The following DLGAP2 variants were observed in gnomAD, a reference collection of about 807,000 sequenced individuals.
DLGAP2 encodes the protein DLG associated protein 2, also known as disks large-associated protein 2.
DLGAP2 carries 26 observed loss-of-function variants against 100.3 expected under a neutral mutation model. The ratio of observed to expected loss-of-function variants is 0.26; its 90% CI spans 0.19 to 0.36. The LOEUF is 0.36. Among genes scored for constraint, DLGAP2 ranks in the 10% least tolerant of loss-of-function variants. The pLI is 1.00. For synonymous variants in DLGAP2, 886 were observed against 630.1 expected (o/e 1.41, Z -6.08); for missense variants, 1,858 against 1,453.2 (o/e 1.28, Z -4.53).
At chr8:949,336 G>A (rs1403355187) in intron 2 of DLGAP2, among the ~76,000 whole-genome samples, 1 of 152,164 alleles carries the variant, frequency 6.6e-6, no homozygotes, top group Non-Finnish European at 1.5e-5. Context: ...GGATGGGTTC[G>A]TGGCAGACAC....
intron 4 of DLGAP2, among the ~76,000 whole-genome samples, chr8:1,538,141 C>T (rs1801219690): frequency 6.6e-6 from 1 of 152,172 alleles, no homozygotes; most frequent in Non-Finnish European, 1.5e-5. Flanking sequence ...TGCAGCATGG[C>T]CTCAGTCCTC....
intron 6 of DLGAP2, among the ~76,000 whole-genome samples, chr8:1,602,913 C>T (rs1222729717): frequency 6.6e-6 from 1 of 152,190 alleles, no homozygotes; most frequent in Admixed American, 6.5e-5. Context: ...GTGTCGAGTG[C>T]CGCGAGGGAA....
At chr8:1,146,103 C>T (rs1053515700) in intron 2 of DLGAP2, among the ~76,000 whole-genome samples, 2 of 152,158 alleles carry the variant, frequency 1.3e-5, no homozygotes, top group Non-Finnish European at 2.9e-5. Flanking sequence ...ACCCACACAC[C>T]CACTGCCAGG....
At chr8:903,558 G>A (rs1231055124) in intron 1 of DLGAP2, among the ~76,000 whole-genome samples, 9 of 152,084 alleles carry the variant, frequency 5.9e-5, no homozygotes, top group Admixed American at 3.9e-4. Flanking sequence ...ACGTCATCGC[G>A]AGGCAGCTTG....
chr8:1,200,990 G>C (rs1187293488), intron 2 of DLGAP2, among the ~76,000 whole-genome samples: 1 of 152,196 alleles, frequency 6.6e-6, no homozygotes, highest in East Asian at 1.9e-4. Context: ...GAAAGAAGGC[G>C]CGGCTGTCTC....
chr8:905,818 G>T (rs1172266671), intron 1 of DLGAP2, among the ~76,000 whole-genome samples: 5 of 90,528 alleles, frequency 5.5e-5, no homozygotes, highest in Non-Finnish European at 8.5e-5. Context: ...CCGCCCCCAA[G>T]CACGTGTCCT....
At chr8:979,556 G>C (rs1445039954) in intron 2 of DLGAP2, among the ~76,000 whole-genome samples, 1 of 152,202 alleles carries the variant, frequency 6.6e-6, no homozygotes, top group Admixed American at 6.5e-5. Context: ...TTATCACTGT[G>C]TGGGCAGGTT....
chr8:1,592,146 G>A (rs1314662110), intron 6 of DLGAP2, among the ~76,000 whole-genome samples: 2 of 152,136 alleles, frequency 1.3e-5, no homozygotes, highest in African/African-American at 2.4e-5. Context: ...GCACACGCCC[G>A]CCCAGGCTTA....
chr8:866,226 G>C lies in DLGAP2; in HGVS notation c.19-41686G>C, dbSNP rs549882795. Reference sequence around the variant, plus strand: ...GCGCCTGGCCAGGCTTCTTACCCCAGGCCTGTCCAGATCTTCCGGGGCCGT... The same window carrying C: ...GCGCCTGGCCAGGCTTCTTACCCCACGCCTGTCCAGATCTTCCGGGGCCGT... On this transcript the variant is annotated intron_variant, in intron 1 of 14. Transcript: ENST00000637795. 2.0e-5 allele frequency among the ~76,000 whole-genome samples: 3 copies of C among 152,282 alleles called. No individual in the cohort carries two copies. In the South Asian group the frequency reaches 6.2e-4, roughly 32 times the overall value.
At chr8:1,426,195 C>G (rs1017263501) in intron 3 of DLGAP2, among the ~76,000 whole-genome samples, 3 of 152,128 alleles carry the variant, frequency 2.0e-5, no homozygotes, top group Admixed American at 6.5e-5. Flanking sequence ...TTTGTCCACC[C>G]AATACCCACA....
At chr8:1,629,610 A>G (rs1186856573) in intron 7 of DLGAP2, among the ~76,000 whole-genome samples, 1 of 152,264 alleles carries the variant, frequency 6.6e-6, no homozygotes, top group African/African-American at 2.4e-5. Context: ...ATACACAGAG[A>G]TGAGGATACA....
At chr8:1,335,001 G>T (rs1220680605) in intron 3 of DLGAP2, among the ~76,000 whole-genome samples, 3 of 152,162 alleles carry the variant, frequency 2.0e-5, no homozygotes, top group African/African-American at 7.2e-5. Context: ...TAAAAACACA[G>T]AAATCTTATA....
intron 4 of DLGAP2, among the ~76,000 whole-genome samples, chr8:1,516,233 G>A (rs1163602710): frequency 6.6e-6 from 1 of 152,090 alleles, no homozygotes; most frequent in South Asian, 2.1e-4. Context: ...GTGAATGAGT[G>A]AGTTACTGAG....
intron 2 of DLGAP2, among the ~76,000 whole-genome samples, chr8:1,100,735 C>G (rs1213324069): frequency 6.6e-6 from 1 of 152,170 alleles, no homozygotes; most frequent in African/African-American, 2.4e-5. Context: ...CATTCTCTTT[C>G]CACGCATGAT....
chr8:1,412,467 A>T (rs6985688), intron 3 of DLGAP2, among the ~76,000 whole-genome samples: 21 of 152,204 alleles, frequency 1.4e-4, no homozygotes, highest in African/African-American at 4.6e-4. Context: ...TCACGAATTC[A>T]GTGCTGAAAT....
At chr8:1,132,858 T>G (rs923311301) in intron 2 of DLGAP2, among the ~76,000 whole-genome samples, 4 of 152,252 alleles carry the variant, frequency 2.6e-5, no homozygotes, top group Non-Finnish European at 5.9e-5. Context: ...TTCAGAGATC[T>G]TCTCATTTGC....
chr8:1,326,374 C>G (rs1801021055), intron 3 of DLGAP2, among the ~76,000 whole-genome samples: 1 of 152,192 alleles, frequency 6.6e-6, no homozygotes, highest in Non-Finnish European at 1.5e-5. Flanking sequence ...CACAGTGTAC[C>G]ACATTCTAAC....
rs1554438405 is a variant in DLGAP2, at chr8:1,302,458, T to C, written c.106+43575T>C. 1.8e-4 allele frequency: 23 copies of C among 126,826 alleles called. 5 individuals are homozygous for C. The highest frequency in any genetic ancestry group is 6.5e-4 in the African/African-American group (23 of 35,366). The allele number at this position is 126,826 out of a possible 1,614,324, so 7.9% of individuals were successfully genotyped here. A position where few individuals can be genotyped will look rare whatever the true frequency, so the allele number is the denominator to read the frequency against. On this transcript the variant is annotated intron_variant, in intron 3 of 14. Coordinates refer to ENST00000637795, the MANE Select transcript of DLGAP2 (RefSeq NM_001346810.2). ...ACCTGGGACCGGACTCGGAATTTTCTGTGAGTTCCGGAGCTCTGCTTCATA... is the reference window on the plus strand; with the variant it reads ...ACCTGGGACCGGACTCGGAATTTTCCGTGAGTTCCGGAGCTCTGCTTCATA...
intron 2 of DLGAP2, among the ~76,000 whole-genome samples, chr8:1,190,961 G>T (rs554144886): frequency 6.6e-6 from 1 of 152,280 alleles, no homozygotes; most frequent in South Asian, 2.1e-4. Context: ...CAGCAGCGCA[G>T]CGAGGGGGGT....
Sources: allele counts gnomAD v4.1 joint callset (sites outside exome capture counted in the v4.1 genomes callset), GRCh38; gene constraint gnomAD v4.1.1; transcripts MANE v1.5; gene names NCBI Gene and HGNC (gene_info 2026-07-23, HGNC 2026-07-21).